The following GPR158 variants were observed in gnomAD, a reference collection of about 807,000 sequenced individuals.
GPR158 encodes metabotropic glycine receptor.
Under a neutral mutation model 78.2 loss-of-function variants are expected in GPR158, and 30 were observed. The ratio of observed to expected loss-of-function variants is 0.38; its 90% CI spans 0.29 to 0.52. GPR158 has a LOEUF of 0.52. Ranked by LOEUF, GPR158 falls within the 20% of genes least tolerant of loss-of-function variation. The pLI is 0.83. For missense variants in GPR158, 1,463 were observed against 1,523.5 expected (o/e 0.96, Z 0.66); for synonymous variants, 581 against 591.1 (o/e 0.98, Z 0.25).
chr10:25,346,913 C>T (rs1234834784), intron 2 of GPR158, among the ~76,000 whole-genome samples: 1 of 151,916 alleles, frequency 6.6e-6, no homozygotes, highest in Non-Finnish European at 1.5e-5. Context: ...AAGTTCAAAA[C>T]CTGGCTTGAT....
rs1229835703 is a variant in GPR158, at chr10:25,601,466, T to C, written c.*2192T>C. The C allele has an allele frequency of 2.0e-5, 3 of 152,628 alleles. No individual in the cohort carries two copies. The highest frequency in any genetic ancestry group is 3.8e-4 in the East Asian group (2 of 5,200). 9.5% of individuals were successfully genotyped at this position (152,628 alleles called of 1,614,324 possible). ...TTGTTTCATTTATGTCTGAAATCTG[T>C]TAGCACTTGATTCCTTTCTTGAGAA... On this transcript the variant is annotated 3_prime_UTR_variant, in exon 11 of 11. Coordinates refer to ENST00000376351, the MANE Select transcript of GPR158 (RefSeq NM_020752.3).
intron 4 of GPR158, among the ~76,000 whole-genome samples, chr10:25,445,736 G>C (rs1344807071): frequency 1.3e-5 from 2 of 152,056 alleles, no homozygotes; most frequent in East Asian, 3.9e-4. Context: ...GGCGGCGAGA[G>C]AGAGAGAGGA....
At chr10:25,505,175 A>C (rs1835994467) in intron 5 of GPR158, among the ~76,000 whole-genome samples, 1 of 152,224 alleles carries the variant, frequency 6.6e-6, no homozygotes, top group African/African-American at 2.4e-5. Context: ...GTTGACAATG[A>C]AAGCCTTTTT....
intron 1 of GPR158, among the ~76,000 whole-genome samples, chr10:25,216,156 A>G (rs1036660362): frequency 6.6e-6 from 1 of 152,188 alleles, no homozygotes; most frequent in African/African-American, 2.4e-5. Context: ...TTATGGCAGC[A>G]GTCCGTTTCC....
intron 5 of GPR158, among the ~76,000 whole-genome samples, chr10:25,483,103 T>C (rs1835681077): frequency 1.3e-5 from 2 of 152,002 alleles, no homozygotes; most frequent in African/African-American, 4.8e-5. Context: ...TTCTCCACTC[T>C]TGGCCTATTA....
intron 2 of GPR158, among the ~76,000 whole-genome samples, chr10:25,272,046 T>C (rs778388024): frequency 1.3e-5 from 2 of 152,254 alleles, no homozygotes; most frequent in Non-Finnish European, 2.9e-5. Flanking sequence ...AACCATCTCA[T>C]ATCCTTGCCA....
At position 25,472,067 on chromosome 10, in the gene GPR158, G is replaced by A. The variant is rs2130624635; in HGVS notation, c.1404+5348G>A. ...CTATGTCCTGAATGGTATTGCCTAG[G>A]TTTTCTTCTAGGGTTTTTATGGTTT... On this transcript the variant is annotated intron_variant, in intron 5 of 10. Coordinates refer to ENST00000376351, the MANE Select transcript of GPR158 (RefSeq NM_020752.3). 2.0e-5 allele frequency among the ~76,000 whole-genome samples: 3 copies of A among 152,180 alleles called. No individual in the cohort carries two copies. The South Asian group carries it at 6.2e-4, about 32-fold the overall frequency.
intron 1 of GPR158, among the ~76,000 whole-genome samples, chr10:25,184,087 G>A (rs1852649841): frequency 1.3e-5 from 2 of 151,962 alleles, no homozygotes; most frequent in African/African-American, 2.4e-5. Flanking sequence ...TAAATTCCAG[G>A]GTCTCTTCAA....
At chr10:25,506,098 C>G (rs1361663865) in intron 5 of GPR158, among the ~76,000 whole-genome samples, 1 of 152,214 alleles carries the variant, frequency 6.6e-6, no homozygotes, top group Non-Finnish European at 1.5e-5. Flanking sequence ...ACACTAGGTT[C>G]TGGCTGTAGC....
chr10:25,326,271 C>A (rs567492874), intron 2 of GPR158, among the ~76,000 whole-genome samples: 1 of 152,148 alleles, frequency 6.6e-6, no homozygotes, highest in Non-Finnish European at 1.5e-5. Context: ...CATGTCCCTG[C>A]AAAGGACATG....
chr10:25,253,187 G>T (rs1052399615), intron 2 of GPR158, among the ~76,000 whole-genome samples: 1 of 152,222 alleles, frequency 6.6e-6, no homozygotes, highest in Admixed American at 6.5e-5. Context: ...CACCGTGCGC[G>T]CACCCACTGG....
intron 5 of GPR158, among the ~76,000 whole-genome samples, chr10:25,504,067 T>G (rs76495520): frequency 0.04 from 6,088 of 151,882 alleles, 417 homozygotes; most frequent in African/African-American, 0.14. Flanking sequence ...ATTTTTGTAT[T>G]ATTAATAGAC....
At chr10:25,569,707 A>C (rs1836979090) in intron 6 of GPR158, among the ~76,000 whole-genome samples, 1 of 151,958 alleles carries the variant, frequency 6.6e-6, no homozygotes, top group Non-Finnish European at 1.5e-5. Flanking sequence ...ACTTTCCTTC[A>C]TTTCTACCTA....
At chr10:25,571,874 C>A (rs1837013935) in intron 6 of GPR158, among the ~76,000 whole-genome samples, 7 of 152,108 alleles carry the variant, frequency 4.6e-5, no homozygotes, top group Admixed American at 3.3e-4. Flanking sequence ...TCCCAATTTT[C>A]TTCCTTAATG....
intron 1 of GPR158, among the ~76,000 whole-genome samples, chr10:25,203,982 G>T (rs919598948): frequency 1.7e-5 from 2 of 117,618 alleles, no homozygotes; most frequent in African/African-American, 7.1e-5. Context: ...CACGTCCCTT[G>T]TAAGTGGGAT....
At chr10:25,549,121 T>C (rs1836698992) in intron 5 of GPR158, among the ~76,000 whole-genome samples, 1 of 152,174 alleles carries the variant, frequency 6.6e-6, no homozygotes, top group African/African-American at 2.4e-5. Context: ...CTATGGCCAT[T>C]TCTAGTGGAA....
chr10:25,405,347 C>CT (rs1191264753), intron 3 of GPR158, among the ~76,000 whole-genome samples: 5 of 151,464 alleles, frequency 3.3e-5, no homozygotes, highest in Admixed American at 2.0e-4. Flanking sequence ...GCAAAAGATA[C>CT]TTTTTTTTAA....
In GPR158 at chr10:25,430,593, G is replaced by A. The variant is rs1272732567; in HGVS notation, c.1335+18120G>A. On this transcript the variant is annotated intron_variant, in intron 4 of 10. Transcript: ENST00000376351. The stretch of plus-strand genomic sequence containing the variant: ...AAAAGAACAAAGCTGGAGGCATCAT[G>A]CTACCTAACTTCAAACTATACTACA... Among the ~76,000 whole-genome samples, 5 of 151,150 alleles carry A rather than the reference G, an allele frequency of 3.3e-5. No individual in the cohort carries two copies. The East Asian group carries it at 7.7e-4, about 23-fold the overall frequency.
chr10:25,312,029 T>C (rs929520573), intron 2 of GPR158, among the ~76,000 whole-genome samples: 6 of 152,030 alleles, frequency 3.9e-5, no homozygotes, highest in Non-Finnish European at 8.8e-5. Context: ...GGTCAAACTA[T>C]ATGAAAATTA....
Sources: allele counts gnomAD v4.1 joint callset (sites outside exome capture counted in the v4.1 genomes callset), GRCh38; gene constraint gnomAD v4.1.1; transcripts MANE v1.5; gene names NCBI Gene and HGNC (gene_info 2026-07-23, HGNC 2026-07-21).